TMLHE: variants seen among roughly 807,000 people sequenced by gnomAD.
TMLHE encodes the protein trimethyllysine hydroxylase, epsilon.
Under a neutral mutation model 25.7 loss-of-function variants are expected in TMLHE, and 18 were observed. The observed-to-expected ratio is 0.70, with a 90% CI of 0.48 to 1.04. The LOEUF is 1.04. Among genes scored for constraint, TMLHE ranks in the 50% least tolerant of loss-of-function variants. TMLHE has a pLI of 0.00. For synonymous variants in TMLHE, 105 were observed against 97.0 expected (o/e 1.08, Z -0.49); for missense variants, 236 against 259.0 (o/e 0.91, Z 0.61).
chrX:155,537,347 A>G (rs181323048), intron 2 of TMLHE, among the ~76,000 whole-genome samples: 1 of 111,338 alleles, frequency 9.0e-6, no homozygotes, highest in East Asian at 2.8e-4. Context: ...AATTATTCTA[A>G]TCAAGTACCT....
At chrX:155,603,001 A>G (rs1557347481) in intron 1 of TMLHE, among the ~76,000 whole-genome samples, 1 of 112,081 alleles carries the variant, frequency 8.9e-6, no homozygotes, top group African/African-American at 3.2e-5. Context: ...GTTCTCCCCA[A>G]ACTGATGTAT....
At chrX:155,559,137 G>A (rs2067477929) in intron 1 of TMLHE, among the ~76,000 whole-genome samples, 1 of 111,342 alleles carries the variant, frequency 9.0e-6, no homozygotes, top group Admixed American at 9.6e-5. Context: ...TTCGATTACT[G>A]AGAGTAGTTT....
chrX:155,601,789 A>G (rs907715348), intron 1 of TMLHE, among the ~76,000 whole-genome samples: 28 of 111,150 alleles, frequency 2.5e-4, no homozygotes, highest in Non-Finnish European at 4.5e-4. Flanking sequence ...TAATGGAAAG[A>G]CACACTTTAA....
At chrX:155,550,712 G>C (rs1557339920) in intron 1 of TMLHE, among the ~76,000 whole-genome samples, 1 of 110,596 alleles carries the variant, frequency 9.0e-6, no homozygotes, top group Non-Finnish European at 1.9e-5. Flanking sequence ...TCAGACAAGT[G>C]GTTTCTCAAT....
At chrX:155,610,408 T>C (rs1168663431) in intron 1 of TMLHE, among the ~76,000 whole-genome samples, 3 of 112,129 alleles carry the variant, frequency 2.7e-5, no homozygotes, top group Non-Finnish European at 3.8e-5. Flanking sequence ...AATTAGATTG[T>C]AGTGATGGTT....
chrX:155,558,349 G>C (rs1305613796), intron 1 of TMLHE, among the ~76,000 whole-genome samples: 1 of 111,812 alleles, frequency 8.9e-6, no homozygotes, highest in Non-Finnish European at 1.9e-5. Context: ...GAATAAACCA[G>C]TAGCTTTCTT....
intron 1 of TMLHE, among the ~76,000 whole-genome samples, chrX:155,578,072 TG>T (rs1557344037): frequency 9.0e-6 from 1 of 111,272 alleles, no homozygotes; most frequent in Non-Finnish European, 1.9e-5. Flanking sequence ...AGGAGGGAGA[TG>T]GGGGAGGCCT....
chrX:155,550,069 C>T (rs1473665377), intron 1 of TMLHE, among the ~76,000 whole-genome samples: 2 of 110,814 alleles, frequency 1.8e-5, no homozygotes, highest in African/African-American at 6.7e-5. Context: ...CTTTTTATGG[C>T]TGCATAGTAT....
At chrX:155,572,214 A>G (rs1329724658) in intron 1 of TMLHE, among the ~76,000 whole-genome samples, 1 of 56,938 alleles carries the variant, frequency 1.8e-5, no homozygotes, top group Non-Finnish European at 4.5e-5. Flanking sequence ...GAGCCAAATC[A>G]TAAGTGAACT....
intron 1 of TMLHE, among the ~76,000 whole-genome samples, chrX:155,558,296 G>C (rs782802881): frequency 8.9e-6 from 1 of 111,979 alleles, no homozygotes; most frequent in East Asian, 2.8e-4. Flanking sequence ...TTAAGAATCA[G>C]TCTAGATATC....
chrX:155,574,551 TA>T (rs782063745), intron 1 of TMLHE, among the ~76,000 whole-genome samples: 24 of 112,075 alleles, frequency 2.1e-4, no homozygotes, highest in African/African-American at 7.1e-4. Context: ...CAGTTTTCCT[TA>T]AAAAATATTA....
At chrX:155,513,935 G>C (rs1557334244) in intron 4 of TMLHE, 51 bp downstream of exon 4, 2 of 1,125,645 alleles carry the variant, frequency 1.8e-6, no homozygotes, top group African/African-American at 3.6e-5. Flanking sequence ...TGGTGTTCAT[G>C]CTCTGGAAAT....
chrX:155,509,560 G>A (rs1557333121), intron 5 of TMLHE, among the ~76,000 whole-genome samples: 1 of 111,628 alleles, frequency 9.0e-6, no homozygotes, highest in African/African-American at 3.3e-5. Context: ...CTCAACCCCT[G>A]TACAGCTGCT....
intron 5 of TMLHE, among the ~76,000 whole-genome samples, chrX:155,510,860 C>T (rs2048324312): frequency 9.5e-6 from 1 of 105,099 alleles, no homozygotes; most frequent in African/African-American, 3.4e-5. Flanking sequence ...GTTTACAGTC[C>T]CACCAACAGT....
At chrX:155,556,336 G>A (rs116301187) in intron 1 of TMLHE, among the ~76,000 whole-genome samples, 3,285 of 87,707 alleles carry the variant, frequency 0.037, 112 homozygotes, top group African/African-American at 0.11. Context: ...TCCTATTATC[G>A]GGGGACCTGC....
intron 4 of TMLHE, among the ~76,000 whole-genome samples, chrX:155,512,361 T>A (rs1026193508): frequency 8.3e-5 from 8 of 96,704 alleles, no homozygotes; most frequent in Non-Finnish European, 1.4e-4. Context: ...ATGTTCCCCT[T>A]CCTGTGTCCA....
chrX:155,552,667 A>G, intron 1 of TMLHE, among the ~76,000 whole-genome samples: 1 of 109,987 alleles, frequency 9.1e-6, no homozygotes, highest in Non-Finnish European at 1.9e-5. Flanking sequence ...TTCATAAAAG[A>G]AACTTTCGGT....
chrX:155,524,226 C>A, intron 3 of TMLHE: 1 of 282,518 alleles, frequency 3.5e-6, no homozygotes, highest in Non-Finnish European at 6.2e-6. Flanking sequence ...TGCCATGTTC[C>A]CTGTCTTAGA....
At position 155,560,480 on chromosome X, in the gene TMLHE, TA is replaced by T. The variant is rs782761256; in HGVS notation, c.-1-15204del. On this transcript the variant is annotated intron_variant, in intron 1 of 7. Transcript: ENST00000334398. ...ATAATAAGTTATATATAGTAAGCTA[TA>T]AAAAATAGCAGGATAAAGCAGTGTG... 3.3e-4 allele frequency among the ~76,000 whole-genome samples: 35 copies of T among 105,312 alleles called. 1 individual carries two copies. The East Asian group carries it at 9.5e-3, about 29-fold the overall frequency. 91.5% of individuals were successfully genotyped at this position (105,312 alleles called of 115,157 possible).
Sources: allele counts gnomAD v4.1 joint callset (sites outside exome capture counted in the v4.1 genomes callset), GRCh38; gene constraint gnomAD v4.1.1; transcripts MANE v1.5; gene names NCBI Gene and HGNC (gene_info 2026-07-23, HGNC 2026-07-21).